GRB10: variants seen among roughly 807,000 people sequenced by gnomAD.
GRB10 encodes growth factor receptor bound protein 10.
In GRB10, 20 loss-of-function variants were observed where a neutral mutation model predicts 80.9. The observed-to-expected ratio is 0.25, with a 90% CI of 0.17 to 0.36. GRB10 has a LOEUF of 0.36. Among genes scored for constraint, GRB10 ranks in the 10% least tolerant of loss-of-function variants. GRB10 has a pLI of 1.00. For missense variants in GRB10, 548 were observed against 747.7 expected (o/e 0.73, Z 3.12); for synonymous variants, 291 against 291.5 (o/e 1.00, Z 0.02).
chr7:50,695,179 A>G (rs1337715619), intron 5 of GRB10, among the ~76,000 whole-genome samples: 1 of 152,236 alleles, frequency 6.6e-6, no homozygotes, highest in Non-Finnish European at 1.5e-5. Flanking sequence ...AAATCAAGAA[A>G]AATACTCAGA....
intron 5 of GRB10, among the ~76,000 whole-genome samples, chr7:50,676,178 G>C (rs1014406769): frequency 6.6e-6 from 1 of 152,042 alleles, no homozygotes; most frequent in African/African-American, 2.4e-5. Flanking sequence ...CCTACCAAAG[G>C]CTACATTGGT....
At chr7:50,645,685 G>A (rs954809377) in intron 7 of GRB10, 1 of 936,464 alleles carries the variant, frequency 1.1e-6, no homozygotes, top group African/African-American at 1.8e-5. Context: ...CAGACCTCTT[G>A]GGGTCTGTCC....
chr7:50,716,438 C>T (rs188469639), intron 4 of GRB10, among the ~76,000 whole-genome samples: 7 of 151,760 alleles, frequency 4.6e-5, no homozygotes, highest in Non-Finnish European at 8.8e-5. Flanking sequence ...TGACTGGGAT[C>T]GAAACAAAAA....
intron 4 of GRB10, among the ~76,000 whole-genome samples, chr7:50,712,079 C>CAAGGCTGAAA (rs2065980190): frequency 6.6e-6 from 1 of 151,622 alleles, no homozygotes; most frequent in Non-Finnish European, 1.5e-5. Flanking sequence ...AGAAACTCCA[C>CAAGGCTGAAA]AAGGCTGAAA....
chr7:50,692,677 G>C (rs192307011), intron 5 of GRB10, among the ~76,000 whole-genome samples: 19 of 152,280 alleles, frequency 1.2e-4, no homozygotes, highest in African/African-American at 4.6e-4. Flanking sequence ...AGACCAGGCA[G>C]TATAGTAGAA....
chr7:50,778,146 A>G (rs2077897949), intron 2 of GRB10, among the ~76,000 whole-genome samples: 1 of 152,218 alleles, frequency 6.6e-6, no homozygotes, highest in Non-Finnish European at 1.5e-5. Context: ...CGACCCCCCA[A>G]AATTTGGAAC....
At chr7:50,773,103 A>G (rs2077143090) in intron 2 of GRB10, among the ~76,000 whole-genome samples, 1 of 152,116 alleles carries the variant, frequency 6.6e-6, no homozygotes, top group African/African-American at 2.4e-5. Flanking sequence ...ATGGTGGCAG[A>G]CAAGAGAAGA....
At chr7:50,702,267 C>T (rs750486251) in intron 5 of GRB10, among the ~76,000 whole-genome samples, 10 of 152,240 alleles carry the variant, frequency 6.6e-5, no homozygotes, top group Non-Finnish European at 1.2e-4. Flanking sequence ...AAGAGGGGAG[C>T]CCCACCACAG....
intron 13 of GRB10, among the ~76,000 whole-genome samples, chr7:50,608,667 T>C (rs2153573383): frequency 6.6e-6 from 1 of 152,220 alleles, no homozygotes; most frequent in Non-Finnish European, 1.5e-5. Flanking sequence ...TTTTAATAAG[T>C]TCAAGGGGCA....
intron 7 of GRB10, among the ~76,000 whole-genome samples, 171 bp downstream of exon 7, chr7:50,669,551 A>G (rs1038112648): frequency 6.6e-6 from 1 of 152,246 alleles, no homozygotes; most frequent in African/African-American, 2.4e-5. Context: ...CAACATCCAA[A>G]CTGTATCGGC....
intron 2 of GRB10, among the ~76,000 whole-genome samples, chr7:50,765,502 T>C (rs1276317598): frequency 6.6e-6 from 1 of 152,222 alleles, no homozygotes; most frequent in African/African-American, 2.4e-5. Flanking sequence ...AGTGAAATTC[T>C]ATCATTTGCA....
Position 50,591,382 on chromosome 7 carries a change from G to A in GRB10, c.*1570C>T, listed in dbSNP as rs761203629. The stretch of plus-strand genomic sequence containing the variant: ...GGAGCAGAGAAATGCTGTTCCTTAG[G>A]GAACACTTCAGTGGGGCGGATTTGG... On this transcript the variant is annotated 3_prime_UTR_variant, in exon 19 of 19. Transcript: ENST00000401949. 2 of 152,226 alleles carry A rather than the reference G, an allele frequency of 1.3e-5. No homozygotes were observed. The highest frequency in any genetic ancestry group is 4.8e-5 in the African/African-American group (2 of 41,436). 9.4% of individuals were successfully genotyped at this position (152,226 alleles called of 1,614,324 possible).
upstream of GRB10, among the ~76,000 whole-genome samples, chr7:50,786,974 G>GTT (rs766920755): frequency 6.6e-6 from 1 of 152,156 alleles, no homozygotes; most frequent in African/African-American, 2.4e-5. Flanking sequence ...ACACAACTCT[G>GTT]TAAGTTTGGA....
intron 4 of GRB10, chr7:50,727,656 G>A (rs2068866666): frequency 6.6e-6 from 1 of 151,978 alleles, no homozygotes; most frequent in Admixed American, 6.6e-5. Flanking sequence ...TTTGTTTTAA[G>A]TGAATATTCA....
chr7:50,787,577 G>A (rs930153380), upstream of GRB10, among the ~76,000 whole-genome samples: 10 of 152,340 alleles, frequency 6.6e-5, no homozygotes, highest in African/African-American at 2.4e-4. Flanking sequence ...AGGGACGGTG[G>A]GTCAGGACAG....
chr7:50,604,470 G>C, intron 15 of GRB10, 93 bp from the exon 16 acceptor site: 5 of 1,063,308 alleles, frequency 4.7e-6, no homozygotes, highest in East Asian at 2.4e-5. Flanking sequence ...CACTGGGTGG[G>C]GTGCCTGACT....
chr7:50,673,744 C>T (rs978168188), intron 6 of GRB10, among the ~76,000 whole-genome samples: 4 of 152,164 alleles, frequency 2.6e-5, no homozygotes, highest in East Asian at 1.9e-4. Flanking sequence ...CCCCTTCACA[C>T]GCCTGTCCAG....
intron 2 of GRB10, among the ~76,000 whole-genome samples, chr7:50,773,033 T>C (rs1234313024): frequency 1.3e-5 from 2 of 152,168 alleles, no homozygotes; most frequent in African/African-American, 4.8e-5. Flanking sequence ...AATGGACTCA[T>C]ATTTCCACGT....
At chr7:50,729,485 T>C (rs186539046) in intron 4 of GRB10, 43 of 152,286 alleles carry the variant, frequency 2.8e-4, no homozygotes, top group Middle Eastern at 3.4e-3. Context: ...AGGCTGGACA[T>C]GGTTAAGAAT....
Sources: gnomAD v4.1 joint callset for allele counts (sites outside exome capture counted in the v4.1 genomes callset) on GRCh38, gnomAD v4.1.1 for gene constraint, MANE v1.5 for transcripts, NCBI Gene and HGNC (gene_info 2026-07-23, HGNC 2026-07-21) for gene names.